The following LRMDA variants were observed in gnomAD, a reference collection of about 807,000 sequenced individuals.
The protein encoded by LRMDA is leucine rich melanocyte differentiation associated, also known as leucine-rich melanocyte differentiation-associated protein.
A neutral mutation model predicts 29.8 loss-of-function variants in LRMDA; 18 were observed. The ratio of observed to expected loss-of-function variants is 0.60; its 90% confidence interval spans 0.42 to 0.90. The LOEUF (loss-of-function observed/expected upper bound fraction) is 0.90, where lower values mean the gene tolerates loss of function less well. Ranked by LOEUF, LRMDA falls within the 40% of genes least tolerant of loss-of-function variation. The pLI, the probability that LRMDA is intolerant of heterozygous loss-of-function variation, is 0.00. For synonymous variants in LRMDA, 125 were observed against 109.4 expected (o/e 1.14, Z -0.89); for missense variants, 273 against 273.9 (o/e 1.00, Z 0.02).
chr10:76,258,723 T>A (rs1267293851), intron 5 of LRMDA, among the ~76,000 whole-genome samples: 1 of 152,212 alleles, frequency 6.6e-6, no homozygotes, highest in African/African-American at 2.4e-5. Flanking sequence ...TTTAGTTAGT[T>A]CTGTTCCTGA....
At chr10:76,441,551 A>G (rs893500999) in intron 6 of LRMDA, among the ~76,000 whole-genome samples, 1 of 152,216 alleles carries the variant, frequency 6.6e-6, no homozygotes, top group Non-Finnish European at 1.5e-5. Context: ...CAAGGCACAC[A>G]TAAAGTACGG....
At chr10:75,889,416 T>C (rs905821819) in intron 2 of LRMDA, among the ~76,000 whole-genome samples, 1 of 152,244 alleles carries the variant, frequency 6.6e-6, no homozygotes, top group Non-Finnish European at 1.5e-5. Flanking sequence ...ATAGCCTTGC[T>C]TTTTGGAGTA....
intron 2 of LRMDA, among the ~76,000 whole-genome samples, chr10:75,960,984 G>T (rs1474914722): frequency 3.9e-5 from 6 of 152,134 alleles, no homozygotes; most frequent in Non-Finnish European, 8.8e-5. Flanking sequence ...CTATCCTAGG[G>T]ACAGATTTGT....
intron 2 of LRMDA, among the ~76,000 whole-genome samples, chr10:76,031,088 A>T (rs189627816): frequency 6.6e-6 from 1 of 152,288 alleles, no homozygotes; most frequent in East Asian, 1.9e-4. Flanking sequence ...GCACTGTCCA[A>T]TTAGAATTGA....
At chr10:75,998,864 G>T (rs1001487323) in intron 2 of LRMDA, among the ~76,000 whole-genome samples, 2 of 152,184 alleles carry the variant, frequency 1.3e-5, no homozygotes, top group Non-Finnish European at 2.9e-5. Flanking sequence ...GCAGGCATGG[G>T]GACGTCTAGG....
intron 6 of LRMDA, among the ~76,000 whole-genome samples, chr10:76,511,273 T>G (rs7089042): frequency 0.021 from 3,222 of 152,208 alleles, 130 homozygotes; most frequent in African/African-American, 0.075. Flanking sequence ...TTCTACTGTG[T>G]GTGGGTGTGG....
At chr10:75,708,281 GCT>G (rs375899393) in intron 2 of LRMDA, among the ~76,000 whole-genome samples, 11 of 152,078 alleles carry the variant, frequency 7.2e-5, no homozygotes, top group African/African-American at 4.8e-5. Context: ...CTCCGCCACT[GCT>G]CTCTCTCTCA....
intron 2 of LRMDA, among the ~76,000 whole-genome samples, chr10:75,819,285 C>G (rs1486052441): frequency 6.6e-6 from 1 of 152,146 alleles, no homozygotes; most frequent in Non-Finnish European, 1.5e-5. Context: ...TGATCAGTGA[C>G]TTCTTGAGTA....
At chr10:76,415,861 G>A (rs567133395) in intron 6 of LRMDA, among the ~76,000 whole-genome samples, 1 of 152,264 alleles carries the variant, frequency 6.6e-6, no homozygotes, top group Non-Finnish European at 1.5e-5. Flanking sequence ...TCCATGTCTT[G>A]TTCTCCTCGC....
At chr10:75,643,199 A>G (rs2132121003) in intron 2 of LRMDA, 1 of 152,152 alleles carries the variant, frequency 6.6e-6, no homozygotes, top group South Asian at 2.1e-4. Context: ...TCAAGAGAGT[A>G]GGTTAATTGA....
intron 6 of LRMDA, among the ~76,000 whole-genome samples, chr10:76,330,359 G>A (rs182722328): frequency 6.6e-6 from 1 of 152,240 alleles, no homozygotes; most frequent in Non-Finnish European, 1.5e-5. Flanking sequence ...TAGACAAAGG[G>A]TATGATCTAA....
intron 6 of LRMDA, among the ~76,000 whole-genome samples, chr10:76,443,399 G>A (rs1303855750): frequency 1.3e-5 from 2 of 152,176 alleles, no homozygotes; most frequent in Non-Finnish European, 2.9e-5. Context: ...GCTAGAGTTT[G>A]GCTGTCATCT....
At chr10:75,823,489 A>G (rs1844196282) in intron 2 of LRMDA, among the ~76,000 whole-genome samples, 1 of 152,204 alleles carries the variant, frequency 6.6e-6, no homozygotes, top group Non-Finnish European at 1.5e-5. Flanking sequence ...AGTAATATGC[A>G]GTAAAGGGAA....
At chr10:75,764,898 G>A (rs1371887175) in intron 2 of LRMDA, among the ~76,000 whole-genome samples, 6 of 151,754 alleles carry the variant, frequency 4.0e-5, no homozygotes, top group African/African-American at 1.5e-4. Context: ...CGGCTGTGGA[G>A]TCAGCTCTTT....
At chr10:76,454,903 G>A (rs1842442100) in intron 6 of LRMDA, among the ~76,000 whole-genome samples, 1 of 152,186 alleles carries the variant, frequency 6.6e-6, no homozygotes, top group Admixed American at 6.5e-5. Context: ...CCAGGGCAGG[G>A]ATCTGGTTTG....
intron 6 of LRMDA, among the ~76,000 whole-genome samples, chr10:76,447,624 G>C (rs1842366221): frequency 6.6e-6 from 1 of 152,116 alleles, no homozygotes; most frequent in Admixed American, 6.6e-5. Flanking sequence ...CCAGTACTTA[G>C]CAGCTTGTCA....
At chr10:76,182,790 G>C (rs1168293381) in intron 5 of LRMDA, among the ~76,000 whole-genome samples, 1 of 152,172 alleles carries the variant, frequency 6.6e-6, no homozygotes, top group African/African-American at 2.4e-5. Flanking sequence ...TAAATGAAGA[G>C]TTTGCTACAC....
chr10:76,176,422 C>T (rs895636600), intron 5 of LRMDA, among the ~76,000 whole-genome samples: 3 of 152,170 alleles, frequency 2.0e-5, no homozygotes, highest in Non-Finnish European at 4.4e-5. Context: ...GCTGGCGCTG[C>T]TTGGGGGCAT....
intron 2 of LRMDA, among the ~76,000 whole-genome samples, chr10:75,706,955 A>G (rs1421404249): frequency 1.3e-5 from 2 of 152,164 alleles, no homozygotes; most frequent in Non-Finnish European, 2.9e-5. Context: ...AGAAACTCTT[A>G]TTCTGACCAC....
Sources: allele counts gnomAD v4.1 joint callset (sites outside exome capture counted in the v4.1 genomes callset), GRCh38; gene constraint gnomAD v4.1.1; transcripts MANE v1.5; gene names NCBI Gene and HGNC (gene_info 2026-07-23, HGNC 2026-07-21).